The following CNTN4 variants were observed in gnomAD, a reference collection of about 807,000 sequenced individuals.
CNTN4 encodes the protein contactin 4.
Under a neutral mutation model 122.5 loss-of-function variants are expected in CNTN4, and 77 were observed. The ratio of observed to expected loss-of-function variants is 0.63; its 90% CI spans 0.52 to 0.76. CNTN4 has a LOEUF of 0.76. Among genes scored for constraint, CNTN4 ranks in the 30% least tolerant of loss-of-function variants. CNTN4 has a pLI of 0.00. For synonymous variants in CNTN4, 512 were observed against 447.0 expected (o/e 1.15, Z -1.83); for missense variants, 1,256 against 1,259.1 (o/e 1.00, Z 0.04).
intron 3 of CNTN4, among the ~76,000 whole-genome samples, chr3:2,531,325 C>A (rs771450337): frequency 3.9e-5 from 6 of 152,014 alleles, no homozygotes; most frequent in African/African-American, 1.4e-4. Context: ...GGCCTGGGTA[C>A]GGGAGATACA....
chr3:2,928,063 G>T (rs2094489595), intron 13 of CNTN4, among the ~76,000 whole-genome samples: 1 of 152,164 alleles, frequency 6.6e-6, no homozygotes, highest in Non-Finnish European at 1.5e-5. Context: ...CCATCCAAGG[G>T]AGACACCTGC....
chr3:2,828,952 T>C (rs1273488196), intron 7 of CNTN4, among the ~76,000 whole-genome samples: 1 of 152,132 alleles, frequency 6.6e-6, no homozygotes, highest in Non-Finnish European at 1.5e-5. Flanking sequence ...TTACCCAAGT[T>C]GGTCTCAAAC....
intron 2 of CNTN4, among the ~76,000 whole-genome samples, chr3:2,260,813 T>TG (rs946186538): frequency 3.3e-5 from 5 of 150,994 alleles, no homozygotes; most frequent in Admixed American, 3.3e-4. Flanking sequence ...CTGTAACCTC[T>TG]GCCTCCCAGT....
At chr3:2,880,926 A>T (rs981197958) in intron 8 of CNTN4, among the ~76,000 whole-genome samples, 1 of 152,204 alleles carries the variant, frequency 6.6e-6, no homozygotes, top group African/African-American at 2.4e-5. Context: ...CTAGCCGTGG[A>T]TCCTCTCTTT....
intron 4 of CNTN4, among the ~76,000 whole-genome samples, chr3:2,671,711 T>G (rs1162772774): frequency 1.3e-5 from 2 of 152,170 alleles, no homozygotes; most frequent in Admixed American, 6.5e-5. Flanking sequence ...TTTCCCCATC[T>G]TTGTGGGGAA....
chr3:2,553,722 T>C (rs938282473), intron 3 of CNTN4, among the ~76,000 whole-genome samples: 5 of 152,170 alleles, frequency 3.3e-5, no homozygotes, highest in Non-Finnish European at 5.9e-5. Context: ...CTAACTTTGC[T>C]GAATTATGGA....
chr3:3,014,086 A>ACACACACACC (rs1491165607), intron 14 of CNTN4, among the ~76,000 whole-genome samples: 1 of 134,964 alleles, frequency 7.4e-6, no homozygotes, highest in East Asian at 2.3e-4. Flanking sequence ...ACACACACAC[A>ACACACACACC]CCCCTAGGGG....
chr3:2,583,562 A>G (rs1424659476), intron 4 of CNTN4, among the ~76,000 whole-genome samples: 1 of 152,206 alleles, frequency 6.6e-6, no homozygotes, highest in Non-Finnish European at 1.5e-5. Context: ...TTGTCAAAAG[A>G]TTTCAGATAG....
intron 2 of CNTN4, among the ~76,000 whole-genome samples, chr3:2,164,523 C>G (rs2036112560): frequency 6.6e-6 from 1 of 152,116 alleles, no homozygotes; most frequent in African/African-American, 2.4e-5. Context: ...ATTGAATGAC[C>G]TCACTACAAG....
intron 3 of CNTN4, among the ~76,000 whole-genome samples, chr3:2,349,072 A>C (rs2044510505): frequency 6.6e-6 from 1 of 152,224 alleles, no homozygotes; most frequent in Non-Finnish European, 1.5e-5. Flanking sequence ...GAAGTCTTTT[A>C]AAATTTACAT....
chr3:2,955,806 T>C (rs1003505538), intron 13 of CNTN4, among the ~76,000 whole-genome samples: 1 of 152,170 alleles, frequency 6.6e-6, no homozygotes, highest in African/African-American at 2.4e-5. Flanking sequence ...TGGTCAAAAG[T>C]GACAGATATT....
At chr3:2,965,324 A>G (rs1692199043) in intron 13 of CNTN4, among the ~76,000 whole-genome samples, 1 of 152,106 alleles carries the variant, frequency 6.6e-6, no homozygotes, top group Admixed American at 6.6e-5. Flanking sequence ...CTGCTGCCCT[A>G]GTTCAGGTTT....
chr3:2,124,698 A>G (rs1167984182), intron 2 of CNTN4, among the ~76,000 whole-genome samples: 1 of 152,120 alleles, frequency 6.6e-6, no homozygotes. Flanking sequence ...CCCTTGTGCC[A>G]GGAGGTTGAG....
chr3:3,017,257 A>G (rs143439154), intron 14 of CNTN4, among the ~76,000 whole-genome samples: 137 of 152,350 alleles, frequency 9.0e-4, no homozygotes, highest in African/African-American at 3.1e-3. Flanking sequence ...CCTATGTTTT[A>G]AAACTGTAAA....
At chr3:2,416,401 T>C (rs190308224) in intron 3 of CNTN4, among the ~76,000 whole-genome samples, 7 of 152,308 alleles carry the variant, frequency 4.6e-5, no homozygotes, top group Non-Finnish European at 8.8e-5. Context: ...CTGCGTTATA[T>C]AACATATGTA....
At chr3:2,171,376 G>A (rs1300771049) in intron 2 of CNTN4, among the ~76,000 whole-genome samples, 2 of 152,086 alleles carry the variant, frequency 1.3e-5, no homozygotes, top group Admixed American at 6.5e-5. Flanking sequence ...ATAATTCCAC[G>A]TCTTTGCATT....
intron 4 of CNTN4, among the ~76,000 whole-genome samples, chr3:2,622,635 A>T (rs779391400): frequency 1.3e-5 from 2 of 152,210 alleles, no homozygotes; most frequent in Non-Finnish European, 2.9e-5. Context: ...GGGGGCAGTT[A>T]TGGAGAAATA....
chr3:2,597,883 C>CA (rs2080846365), intron 4 of CNTN4, among the ~76,000 whole-genome samples: 1 of 152,116 alleles, frequency 6.6e-6, no homozygotes, highest in Non-Finnish European at 1.5e-5. Context: ...CACATTTGAA[C>CA]AATCTGTATG....
At chr3:2,540,131 A>G (rs2077975341) in intron 3 of CNTN4, among the ~76,000 whole-genome samples, 1 of 151,958 alleles carries the variant, frequency 6.6e-6, no homozygotes, top group African/African-American at 2.4e-5. Context: ...CTAATAGGTG[A>G]TATAAAAAAT....
Sources: allele counts gnomAD v4.1 joint callset (sites outside exome capture counted in the v4.1 genomes callset), GRCh38; gene constraint gnomAD v4.1.1; transcripts MANE v1.5; gene names NCBI Gene and HGNC (gene_info 2026-07-23, HGNC 2026-07-21).